Variants in ZBTB8A observed in about 807,000 individuals in gnomAD.
ZBTB8A encodes the protein zinc finger and BTB domain-containing protein 8A.
A neutral mutation model predicts 37.8 loss-of-function variants in ZBTB8A; 19 were observed. That is an observed-to-expected ratio of 0.50 (90% confidence interval 0.35 to 0.74). The LOEUF (loss-of-function observed/expected upper bound fraction) is 0.74. Among genes scored for constraint, ZBTB8A ranks in the 30% least tolerant of loss-of-function variants. ZBTB8A has a pLI of 0.01. For synonymous variants in ZBTB8A, 181 were observed against 185.2 expected (o/e 0.98, Z 0.19); for missense variants, 394 against 537.8 (o/e 0.73, Z 2.65).
At chr1:32,550,818 G>A (rs955361785) in intron 1 of ZBTB8A, among the ~76,000 whole-genome samples, 58 of 151,964 alleles carry the variant, frequency 3.8e-4, no homozygotes, top group South Asian at 2.1e-4. Flanking sequence ...TTAGGCGGGT[G>A]TGGTGGCAGG....
intron 2 of ZBTB8A, among the ~76,000 whole-genome samples, chr1:32,567,819 AAAAACAAAAAC>A (rs1557707705): frequency 9.9e-4 from 18 of 18,206 alleles, no homozygotes; most frequent in Admixed American, 1.2e-3. Context: ...AAAAAAAAAA[AAAAACAAAAAC>A]AAAACAAAAC....
In ZBTB8A at chr1:32,593,461, G is replaced by T. The variant is rs190749106; in HGVS notation, c.530G>T (p.Gly177Val). 69 of 1,613,906 alleles carry T rather than the reference G, an allele frequency of 4.3e-5. No individual in the cohort carries two copies. The highest frequency in any genetic ancestry group is 1.5e-4 in the South Asian group (14 of 91,084). ...SPEQGTGIIS[G>V]KSWNKYNYHP... Reference sequence around the variant, plus strand: ...GAGCAAGGAACAGGTATAATAAGTGGAAAATCTTGGAATAAGTATAATTAT... The same window carrying T: ...GAGCAAGGAACAGGTATAATAAGTGTAAAATCTTGGAATAAGTATAATTAT... Residue 177 changes from glycine to valine, a missense_variant, in exon 3 of 5, where the codon GGA becomes GTA. By Grantham distance (109) the Gly-to-Val change is moderately radical. Coordinates refer to ENST00000373510, the MANE Select transcript of ZBTB8A (RefSeq NM_001040441.3).
chr1:32,549,059 C>A lies in ZBTB8A; in HGVS notation c.-83-4400C>A, dbSNP rs112882846. On this transcript the variant is annotated intron_variant, in intron 1 of 4. Transcript: ENST00000373510. Reference sequence around the variant, plus strand: ...TACAAAAATTAGCCGGGTATGGTGGCCCGCACCTGTAGTCCTAGCTACTCC... The same window carrying A: ...TACAAAAATTAGCCGGGTATGGTGGACCGCACCTGTAGTCCTAGCTACTCC... Among the ~76,000 whole-genome samples, 1,218 of 151,996 alleles carry A rather than the reference C, an allele frequency of 8.0e-3. 9 individuals carry two copies. Among genetic ancestry groups the A allele is most frequent in the Admixed American group, 0.014 (218 of 15,254 alleles).
At chr1:32,587,037 C>T (rs772218378) in intron 2 of ZBTB8A, among the ~76,000 whole-genome samples, 15 of 151,910 alleles carry the variant, frequency 9.9e-5, no homozygotes, top group Admixed American at 6.6e-4. Context: ...GTCAGGAGTT[C>T]GAGACCAGCC....
At chr1:32,560,036 A>C (rs1434379526) in intron 2 of ZBTB8A, among the ~76,000 whole-genome samples, 3 of 152,136 alleles carry the variant, frequency 2.0e-5, no homozygotes, top group African/African-American at 7.2e-5. Context: ...GGGAGGCCTC[A>C]GGAAGCTTCC....
At chr1:32,566,817 A>G (rs1644282933) in intron 2 of ZBTB8A, among the ~76,000 whole-genome samples, 1 of 152,290 alleles carries the variant, frequency 6.6e-6, no homozygotes, top group African/African-American at 2.4e-5. Context: ...TGTTGCAGAC[A>G]CAAGGGATGC....
intron 2 of ZBTB8A, among the ~76,000 whole-genome samples, chr1:32,569,325 CTT>C (rs1223047684): frequency 6.9e-6 from 1 of 144,866 alleles, no homozygotes; most frequent in African/African-American, 2.6e-5. Context: ...GGGTACAACT[CTT>C]TTGTCAGATA....
At chr1:32,589,210 T>G (rs1389725369) in intron 2 of ZBTB8A, among the ~76,000 whole-genome samples, 2 of 152,012 alleles carry the variant, frequency 1.3e-5, no homozygotes, top group East Asian at 3.9e-4. Context: ...GACAGAGTCT[T>G]GTTGTGTCAC....
intron 4 of ZBTB8A, among the ~76,000 whole-genome samples, chr1:32,599,332 G>C (rs1167460028): frequency 1.3e-5 from 2 of 151,962 alleles, no homozygotes; most frequent in African/African-American, 2.4e-5. Context: ...GGTTGGGATG[G>C]GAGGATTGCT....
intron 4 of ZBTB8A, 48 bp downstream of exon 4, chr1:32,595,271 T>G (rs755631500): frequency 1.9e-5 from 31 of 1,594,930 alleles, no homozygotes; most frequent in South Asian, 1.1e-4. Flanking sequence ...TTTTGGTTTT[T>G]GTTTTTGTTT....
chr1:32,540,193 C>T (rs757174217), intron 1 of ZBTB8A, among the ~76,000 whole-genome samples: 39 of 152,240 alleles, frequency 2.6e-4, no homozygotes, highest in Admixed American at 1.3e-3. Flanking sequence ...CTTACATGCT[C>T]ATCTCTACCC....
intron 2 of ZBTB8A, among the ~76,000 whole-genome samples, chr1:32,587,531 A>G (rs1644458734): frequency 6.6e-6 from 1 of 152,078 alleles, no homozygotes; most frequent in African/African-American, 2.4e-5. Flanking sequence ...CTGTAATCCC[A>G]GCATTTAGGG....
intron 1 of ZBTB8A, among the ~76,000 whole-genome samples, chr1:32,545,038 A>AC (rs1326727933): frequency 1.3e-5 from 2 of 152,320 alleles, no homozygotes; most frequent in East Asian, 3.9e-4. Flanking sequence ...TTGCTGGGTC[A>AC]TATGATAACT....
rs139753426 is a variant in ZBTB8A, at chr1:32,567,780, G to A, written c.-2+14240G>A. ...ACACTCCAGCCTGGGTGATAGAGCAGGATTCTGTCTCAAAAAAAAAAAAAA... is the reference window on the plus strand; with the variant it reads ...ACACTCCAGCCTGGGTGATAGAGCAAGATTCTGTCTCAAAAAAAAAAAAAA... On this transcript the variant is annotated intron_variant, in intron 2 of 4. Transcript: ENST00000373510. Among the ~76,000 whole-genome samples, 696 of 93,920 alleles carry A rather than the reference G, an allele frequency of 7.4e-3. 17 individuals are homozygous for A. The highest frequency in any genetic ancestry group is 0.073 in the East Asian group (211 of 2,910). 61.6% of individuals were successfully genotyped at this position (93,920 alleles called of 152,430 possible).
chr1:32,601,621 T>G lies in ZBTB8A; in HGVS notation c.*1202T>G. The G allele has an allele frequency of 1.0e-5, 4 of 398,602 alleles. No homozygotes were observed. Among genetic ancestry groups the G allele is most frequent in the Admixed American group, 8.8e-5 (2 of 22,718 alleles). 24.7% of individuals were successfully genotyped at this position (398,602 alleles called of 1,614,324 possible). A position where few individuals can be genotyped will look rare whatever the true frequency, so the allele number is the denominator to read the frequency against. On this transcript the variant is annotated 3_prime_UTR_variant, in exon 5 of 5. Transcript: ENST00000373510. Reference sequence around the variant, plus strand: ...ATCTCCGATTTACAAATGAGGAAATTAAGGTCAGAAAGTCTGAGAGAGAAA... The same window carrying G: ...ATCTCCGATTTACAAATGAGGAAATGAAGGTCAGAAAGTCTGAGAGAGAAA...
intron 2 of ZBTB8A, among the ~76,000 whole-genome samples, chr1:32,554,586 G>T (rs933257657): frequency 1.6e-4 from 25 of 151,620 alleles, no homozygotes; most frequent in Admixed American, 1.6e-3. Flanking sequence ...GGTTCAAGCA[G>T]TTCTGCCTCA....
intron 2 of ZBTB8A, among the ~76,000 whole-genome samples, chr1:32,556,357 C>A (rs1375541701): frequency 6.6e-6 from 1 of 151,858 alleles, no homozygotes; most frequent in African/African-American, 2.4e-5. Flanking sequence ...TGTGATCTAC[C>A]ATGCCCGGCC....
intron 1 of ZBTB8A, among the ~76,000 whole-genome samples, chr1:32,551,099 T>C (rs1644151926): frequency 6.6e-6 from 1 of 152,162 alleles, no homozygotes; most frequent in Non-Finnish European, 1.5e-5. Context: ...TCTAACTCAT[T>C]AGGGCTAGGT....
chr1:32,600,322 T>C lies in ZBTB8A; in HGVS notation c.1229T>C (p.Val410Ala). 1 of 1,614,066 alleles carries C rather than the reference T, an allele frequency of 6.2e-7. No individual in the cohort carries two copies. The highest frequency in any genetic ancestry group is 8.5e-7 in the Non-Finnish European group (1 of 1,179,964). Residue 410 changes from valine to alanine, a missense_variant, in exon 5 of 5, where the codon GTG (valine) becomes GCG (alanine). Transcript: ENST00000373510. ...AGTGAAGATGAGAATAGATCCTATG[T>C]GGAGATTGTAGAAGATGGGTCTGCT... Reference protein sequence around the residue: ...HLSEDENRSYVEIVEDGSADL... With the variant: ...HLSEDENRSYAEIVEDGSADL...
Sources: gnomAD v4.1 joint callset for allele counts (sites outside exome capture counted in the v4.1 genomes callset) on GRCh38, gnomAD v4.1.1 for gene constraint, MANE v1.5 for transcripts, NCBI Gene and HGNC (gene_info 2026-07-23, HGNC 2026-07-21) for gene names.